NRXN1: variants seen among roughly 807,000 people sequenced by gnomAD.
The protein encoded by NRXN1 is neurexin-1.
In NRXN1, 39 loss-of-function variants were observed where a neutral mutation model predicts 150.9. The ratio of observed to expected loss-of-function variants is 0.26; its 90% CI spans 0.20 to 0.34. NRXN1 has a LOEUF of 0.34. Among genes scored for constraint, NRXN1 ranks in the 10% least tolerant of loss-of-function variants. The pLI is 1.00. For missense variants in NRXN1, 1,815 were observed against 1,949.9 expected, an observed-to-expected ratio of 0.93 and a Z score of 1.30; for synonymous variants, 924 against 757.0, an observed-to-expected ratio of 1.22 and a Z score of -3.62.
chr2:49,982,129 G>T (rs188860146), intron 21 of NRXN1, among the ~76,000 whole-genome samples: 12 of 152,158 alleles, frequency 7.9e-5, no homozygotes, highest in African/African-American at 2.9e-4. Context: ...TGGACATGCC[G>T]GGTCATCCAA....
intron 17 of NRXN1, among the ~76,000 whole-genome samples, chr2:50,267,768 C>T (rs2069069250): frequency 6.6e-6 from 1 of 152,108 alleles, no homozygotes; most frequent in South Asian, 2.1e-4. Context: ...AAATAATGCT[C>T]ACATTTTAAA....
chr2:50,544,248 T>C (rs746135790), intron 9 of NRXN1, among the ~76,000 whole-genome samples: 61 of 152,078 alleles, frequency 4.0e-4, no homozygotes, highest in Admixed American at 1.3e-3. Flanking sequence ...AAAAACAGAA[T>C]ACAACATTGA....
intron 17 of NRXN1, among the ~76,000 whole-genome samples, chr2:50,254,938 C>G (rs1164194285): frequency 6.6e-6 from 1 of 152,054 alleles, no homozygotes; most frequent in Non-Finnish European, 1.5e-5. Flanking sequence ...TCCCAGATAG[C>G]TGGGTCTACA....
intron 17 of NRXN1, among the ~76,000 whole-genome samples, chr2:50,389,739 T>G (rs2081563920): frequency 1.3e-5 from 2 of 152,188 alleles, no homozygotes; most frequent in African/African-American, 2.4e-5. Context: ...TAATTTCATT[T>G]AGCTGACTTG....
chr2:50,687,291 G>C (rs1574101090), intron 5 of NRXN1, among the ~76,000 whole-genome samples: 1 of 152,126 alleles, frequency 6.6e-6, no homozygotes, highest in East Asian at 1.9e-4. Context: ...CTAAATATTA[G>C]ATAGAAATCT....
chr2:50,793,699 T>A (rs538240740), intron 5 of NRXN1, among the ~76,000 whole-genome samples: 1 of 152,036 alleles, frequency 6.6e-6, no homozygotes, highest in Non-Finnish European at 1.5e-5. Flanking sequence ...CAAAGGGACA[T>A]ACTGAGTAAG....
intron 17 of NRXN1, among the ~76,000 whole-genome samples, chr2:50,344,479 C>A (rs1369134015): frequency 6.6e-6 from 1 of 152,082 alleles, no homozygotes; most frequent in East Asian, 1.9e-4. Context: ...ACAAACACGA[C>A]CATACAACAG....
chr2:50,730,925 C>A (rs56411503), intron 5 of NRXN1, among the ~76,000 whole-genome samples: 25 of 152,082 alleles, frequency 1.6e-4, no homozygotes, highest in Non-Finnish European at 2.5e-4. Flanking sequence ...CGCCTGCCTC[C>A]GCCTCCCAAA....
chr2:50,816,109 C>A (rs1668892159), intron 5 of NRXN1, among the ~76,000 whole-genome samples: 1 of 152,012 alleles, frequency 6.6e-6, no homozygotes, highest in Non-Finnish European at 1.5e-5. Context: ...AATATTGTAT[C>A]TTTTTGTTGT....
intron 2 of NRXN1, among the ~76,000 whole-genome samples, chr2:50,932,690 A>G (rs1214256571): frequency 6.6e-6 from 1 of 152,102 alleles, no homozygotes; most frequent in Non-Finnish European, 1.5e-5. Flanking sequence ...GAACTTATCC[A>G]TGCAACCAAA....
intron 5 of NRXN1, among the ~76,000 whole-genome samples, chr2:50,805,279 G>A (rs747333961): frequency 8.5e-5 from 13 of 152,118 alleles, no homozygotes; most frequent in Non-Finnish European, 1.8e-4. Flanking sequence ...TATTACGTGA[G>A]GACTTTAGAC....
chr2:50,894,269 TAAATA>T (rs972184388), intron 5 of NRXN1, among the ~76,000 whole-genome samples: 1 of 145,052 alleles, frequency 6.9e-6, no homozygotes, highest in South Asian at 2.1e-4. Context: ...AATAAATAAA[TAAATA>T]AAATAACAGG....
intron 2 of NRXN1, among the ~76,000 whole-genome samples, chr2:50,965,663 A>G (rs1351065471): frequency 6.6e-6 from 1 of 151,498 alleles, no homozygotes; most frequent in Non-Finnish European, 1.5e-5. Context: ...TTTTGATGCC[A>G]TGCTTATATT....
At chr2:50,218,390 C>A (rs1222333140) in intron 18 of NRXN1, among the ~76,000 whole-genome samples, 1 of 151,910 alleles carries the variant, frequency 6.6e-6, no homozygotes, top group Non-Finnish European at 1.5e-5. Context: ...AGTATGAATA[C>A]CATCCTTTCT....
chr2:50,588,548 G>A (rs1034022654), intron 8 of NRXN1: 2 of 152,094 alleles, frequency 1.3e-5, no homozygotes, highest in African/African-American at 2.4e-5. Context: ...TGGTAAAAAC[G>A]TGCCTTCAGT....
intron 17 of NRXN1, among the ~76,000 whole-genome samples, chr2:50,381,669 G>A (rs1312316347): frequency 1.3e-5 from 2 of 151,874 alleles, no homozygotes; most frequent in African/African-American, 4.8e-5. Context: ...ATACTATTAG[G>A]TTGGTGGAAA....
intron 13 of NRXN1, among the ~76,000 whole-genome samples, chr2:50,502,751 T>C (rs1047570288): frequency 6.6e-6 from 1 of 152,190 alleles, no homozygotes; most frequent in Non-Finnish European, 1.5e-5. Context: ...ATTATGTGTA[T>C]GTTTATATGT....
intron 17 of NRXN1, among the ~76,000 whole-genome samples, chr2:50,314,117 T>C (rs1258248201): frequency 6.6e-6 from 1 of 152,116 alleles, no homozygotes; most frequent in Non-Finnish European, 1.5e-5. Context: ...AGATTCTGGT[T>C]GTAAGGCAGT....
intron 2 of NRXN1, among the ~76,000 whole-genome samples, chr2:50,951,072 G>T (rs1163305695): frequency 4.6e-5 from 7 of 152,106 alleles, no homozygotes; most frequent in Non-Finnish European, 8.8e-5. Flanking sequence ...TAATATACTG[G>T]GAATTAATGT....
Sources: allele counts gnomAD v4.1 joint callset (sites outside exome capture counted in the v4.1 genomes callset), GRCh38; gene constraint gnomAD v4.1.1; transcripts MANE v1.5; gene names NCBI Gene and HGNC (gene_info 2026-07-23, HGNC 2026-07-21).